Variants in CCDC66 observed in about 807,000 individuals in gnomAD.
CCDC66 encodes coiled-coil domain-containing protein 66.
Under a neutral mutation model 128.3 loss-of-function variants are expected in CCDC66, and 133 were observed. That is an observed-to-expected ratio of 1.04 (90% confidence interval 0.90 to 1.20). The LOEUF (loss-of-function observed/expected upper bound fraction) is 1.20. Ranked by LOEUF, CCDC66 falls within the 50% of genes most tolerant of loss-of-function variation. The pLI, the probability that CCDC66 is intolerant of heterozygous loss-of-function variation, is 0.00. For synonymous variants in CCDC66, 387 were observed against 357.0 expected (o/e 1.08, Z -0.95); for missense variants, 1,126 against 1,075.5 (o/e 1.05, Z -0.66).
At chr3:56,571,519 C>G in intron 7 of CCDC66, 1 of 352,162 alleles carries the variant, frequency 2.8e-6, no homozygotes, top group Non-Finnish European at 5.2e-6. Flanking sequence ...GTAGCTAGGA[C>G]TACAGGTACT....
At chr3:56,589,451 G>A (rs1047094986) in intron 7 of CCDC66, among the ~76,000 whole-genome samples, 1 of 151,892 alleles carries the variant, frequency 6.6e-6, no homozygotes, top group Non-Finnish European at 1.5e-5. Flanking sequence ...AACCCAACAG[G>A]AAATATAAGA....
At chr3:56,561,507 T>A in intron 3 of CCDC66, 1 of 287,644 alleles carries the variant, frequency 3.5e-6, no homozygotes, top group Non-Finnish European at 6.7e-6. Flanking sequence ...TCTCAACTGA[T>A]GTTGAGCCTA....
intron 4 of CCDC66, 148 bp downstream of exon 4, chr3:56,564,273 T>C (rs1050077324): frequency 1.7e-6 from 1 of 591,526 alleles, no homozygotes; most frequent in Non-Finnish European, 2.9e-6. Flanking sequence ...TAGAGGACTT[T>C]CTCTAATATG....
chr3:56,581,114 C>CT (rs1344841753), intron 7 of CCDC66, among the ~76,000 whole-genome samples: 3 of 139,488 alleles, frequency 2.2e-5, no homozygotes, highest in South Asian at 2.2e-4. Context: ...TCTTTTTACT[C>CT]TTTTTTCTCT....
intron 6 of CCDC66, among the ~76,000 whole-genome samples, chr3:56,568,322 G>A (rs1577305372): frequency 6.6e-6 from 1 of 152,284 alleles, no homozygotes; most frequent in East Asian, 1.9e-4. Context: ...ATGAGAGACT[G>A]GTTCAAGGAT....
chr3:56,592,982 C>T lies in CCDC66; in HGVS notation c.949C>T (p.Leu317=). The T allele has an allele frequency of 6.2e-7, 1 of 1,609,270 alleles. No homozygotes were observed. ...ILDQSRETVL[L]EHPFSAVKQE... is the part of the protein sequence containing the mutation. ...GGCTGTTGTTTAGGAAACAGTACTG[C>T]TGGAGCACCCTTTCAGTGCTGTGAA... is the stretch of plus-strand genomic sequence containing the variant. The change falls in exon 8 of 18, where the codon CTG becomes TTG. Residue 317 remains leucine, a synonymous_variant. Transcript: ENST00000394672.
chr3:56,559,548 A>G, intron 2 of CCDC66, 21 bp from the exon 3 acceptor site: 6 of 1,501,248 alleles, frequency 4.0e-6, no homozygotes, highest in Non-Finnish European at 5.4e-6. Context: ...ATAGTTTAGT[A>G]ATTTCTTTTT....
At chr3:56,581,114 CTT>C (rs1344841753) in intron 7 of CCDC66, among the ~76,000 whole-genome samples, 1 of 139,382 alleles carries the variant, frequency 7.2e-6, no homozygotes, top group East Asian at 2.6e-4. Context: ...TCTTTTTACT[CTT>C]TTTTCTCTAA....
chr3:56,593,856 T>C, intron 9 of CCDC66, 88 bp from the exon 10 acceptor site: 2 of 1,579,556 alleles, frequency 1.3e-6, no homozygotes, highest in South Asian at 2.2e-5. Context: ...ATAGAAATAA[T>C]TAGTAGATTT....
At chr3:56,573,079 C>A (rs562350410) in intron 7 of CCDC66, among the ~76,000 whole-genome samples, 68 of 152,220 alleles carry the variant, frequency 4.5e-4, no homozygotes, top group African/African-American at 1.6e-3. Flanking sequence ...ATCTGTAATA[C>A]TAAAAATGTT....
In CCDC66 at chr3:56,616,019, T is replaced by TACG. The variant is rs780339160; in HGVS notation, c.1812_1814dup (p.Thr605dup). On this transcript the variant is annotated inframe_insertion, in exon 13 of 18. Coordinates refer to ENST00000394672, the MANE Select transcript of CCDC66 (RefSeq NM_001141947.3). ...GTAAAATGAATACATATATGAATTCTACGACTTCTAAGAAGGATACTGGTG... is the reference window on the plus strand; with the variant it reads ...GTAAAATGAATACATATATGAATTCTACGACGACTTCTAAGAAGGATACTGGTG... 51 of 1,512,834 alleles carry TACG rather than the reference T, an allele frequency of 3.4e-5. No homozygotes were observed. The highest frequency in any genetic ancestry group is 4.5e-5 in the Non-Finnish European group (51 of 1,140,104). The allele number at this position is 1,512,834 out of a possible 1,614,324, so 93.7% of individuals were successfully genotyped here.
chr3:56,619,050 T>C, intron 15 of CCDC66: 1 of 409,364 alleles, frequency 2.4e-6, no homozygotes, highest in Non-Finnish European at 4.3e-6. Flanking sequence ...GAACCCCGTC[T>C]CTACTAAAAA....
chr3:56,614,161 C>T (rs138203505), intron 11 of CCDC66, among the ~76,000 whole-genome samples: 210 of 152,228 alleles, frequency 1.4e-3, no homozygotes, highest in African/African-American at 4.9e-3. Context: ...ATGGAAATGT[C>T]AGACCTTCAC....
intron 10 of CCDC66, among the ~76,000 whole-genome samples, chr3:56,597,211 A>G (rs975126137): frequency 9.2e-5 from 14 of 152,002 alleles, no homozygotes. Context: ...TTGGCTGTAA[A>G]TACATGGATT....
At position 56,617,139 on chromosome 3, in the gene CCDC66, A is replaced by G. The variant is rs73083704; in HGVS notation, c.1871A>G (p.Asn624Ser). Reference sequence around the variant, plus strand: ...GACTTAAATATAGGAATATTCACCAATGCAGAATCACATTGTGGATCATTA... The same window carrying G: ...GACTTAAATATAGGAATATTCACCAGTGCAGAATCACATTGTGGATCATTA... ...TDDLNIGIFT[N>S]AESHCGSLME... The change falls in exon 14 of 18, where the codon AAT (asparagine) becomes AGT (serine). Residue 624 changes from asparagine to serine, a missense_variant. By Grantham distance (46) the Asn-to-Ser change is conservative. Transcript: ENST00000394672. The G allele has an allele frequency of 1.4e-5, 22 of 1,572,744 alleles. No individual in the cohort carries two copies. Among genetic ancestry groups the G allele is most frequent in the Non-Finnish European group, 1.7e-5 (20 of 1,162,094 alleles).
chr3:56,563,227 G>T (rs111349193), intron 3 of CCDC66, among the ~76,000 whole-genome samples: 1 of 151,624 alleles, frequency 6.6e-6, no homozygotes, highest in Non-Finnish European at 1.5e-5. Flanking sequence ...CAGGCTTGGT[G>T]GTGGGCACCT....
chr3:56,603,939 C>T (rs935858782), intron 10 of CCDC66, among the ~76,000 whole-genome samples: 1 of 152,068 alleles, frequency 6.6e-6, no homozygotes, highest in Non-Finnish European at 1.5e-5. Flanking sequence ...TTGTAGGTCT[C>T]TAAGGACTTG....
At chr3:56,620,147 TTTA>T (rs2076199105) in intron 17 of CCDC66, 2 of 245,986 alleles carry the variant, frequency 8.1e-6, no homozygotes, top group Admixed American at 5.4e-5. Flanking sequence ...TTAAGACAAG[TTTA>T]TTGAGTAAAA....
At chr3:56,600,298 G>A (rs1167653508) in intron 10 of CCDC66, among the ~76,000 whole-genome samples, 1 of 151,532 alleles carries the variant, frequency 6.6e-6, no homozygotes, top group Admixed American at 6.6e-5. Flanking sequence ...ATAGGTGCCC[G>A]CCACCGTGCC....
Sources: gnomAD v4.1 joint callset for allele counts (sites outside exome capture counted in the v4.1 genomes callset) on GRCh38, gnomAD v4.1.1 for gene constraint, MANE v1.5 for transcripts, NCBI Gene and HGNC (gene_info 2026-07-23, HGNC 2026-07-21) for gene names.